Variants in AGMO observed in about 807,000 individuals in gnomAD.
AGMO encodes the protein glyceryl-ether monooxygenase.
AGMO carries 75 observed loss-of-function variants against 60.2 expected under a neutral mutation model. The observed-to-expected ratio is 1.25, with a 90% CI of 1.03 to 1.51. AGMO has a LOEUF of 1.51. Among genes scored for constraint, AGMO ranks in the 40% most tolerant of loss-of-function variants. The probability of loss-of-function intolerance (pLI) is 0.00; values close to 1 mark genes in which losing one functional copy is unlikely to be tolerated. For synonymous variants in AGMO, 261 were observed against 177.1 expected, an observed-to-expected ratio of 1.47 and a Z score of -3.76; for missense variants, 763 against 525.5, an observed-to-expected ratio of 1.45 and a Z score of -4.42.
At chr7:15,511,255 A>C (rs909686878) in intron 3 of AGMO, among the ~76,000 whole-genome samples, 5 of 152,108 alleles carry the variant, frequency 3.3e-5, no homozygotes, top group Non-Finnish European at 5.9e-5. Flanking sequence ...TAGACATGCC[A>C]GTGAACCTAA....
At chr7:15,545,039 T>C in intron 2 of AGMO, 116 bp from the exon 3 acceptor site, 3 of 722,780 alleles carry the variant, frequency 4.2e-6, no homozygotes, top group Non-Finnish European at 5.9e-6. Context: ...TGAAACTCTT[T>C]CTTCTACTTT....
rs1387695234 is a variant in AGMO, at chr7:15,354,367, TAG to T, written c.1263+11145_1263+11146del. Among the ~76,000 whole-genome samples the T allele has an allele frequency of 7.8e-5, 5 of 64,148 alleles. 1 individual carries two copies. The highest frequency in any genetic ancestry group is 2.2e-4 in the African/African-American group (2 of 9,198). 42.1% of individuals were successfully genotyped at this position (64,148 alleles called of 152,430 possible). ...ACGCGTGTATATAGACGTGTGTATA[TAG>T]ACGTGTGTATACACGTGTGTGTATA... On this transcript the variant is annotated intron_variant, in intron 12 of 12. Transcript: ENST00000342526.
intron 12 of AGMO, among the ~76,000 whole-genome samples, chr7:15,225,257 T>C (rs1402828467): frequency 6.6e-6 from 1 of 152,002 alleles, no homozygotes; most frequent in Admixed American, 6.6e-5. Context: ...TTTTATCCGT[T>C]CCCCTGAAGT....
At chr7:15,507,358 A>T (rs1783541429) in intron 3 of AGMO, among the ~76,000 whole-genome samples, 3 of 152,094 alleles carry the variant, frequency 2.0e-5, no homozygotes, top group African/African-American at 7.2e-5. Flanking sequence ...AGAAAACAAC[A>T]CTACGGCTCA....
At chr7:15,531,053 ATATATTCTG>A (rs1364058896) in intron 3 of AGMO, among the ~76,000 whole-genome samples, 2 of 103,804 alleles carry the variant, frequency 1.9e-5, no homozygotes, top group Non-Finnish European at 1.8e-5. Flanking sequence ...TATATTCTAT[ATATATTCTG>A]TATATATTCT....
At chr7:15,378,365 T>C (rs957310430) in intron 10 of AGMO, among the ~76,000 whole-genome samples, 1 of 152,060 alleles carries the variant, frequency 6.6e-6, no homozygotes, top group East Asian at 1.9e-4. Flanking sequence ...AATGTTAAAA[T>C]TAAAATGGTT....
intron 5 of AGMO, among the ~76,000 whole-genome samples, chr7:15,409,503 C>T (rs976658579): frequency 1.3e-4 from 20 of 151,704 alleles, no homozygotes; most frequent in Admixed American, 7.2e-4. Flanking sequence ...GGTTTGATCA[C>T]AGAGTTTGAT....
the AGMO span, among the ~76,000 whole-genome samples, chr7:15,156,573 C>G: frequency 2.0e-5 from 3 of 152,332 alleles, no homozygotes; most frequent in East Asian, 1.9e-4. Context: ...TGTGGAATCT[C>G]CTGCAGCTAG....
intron 3 of AGMO, among the ~76,000 whole-genome samples, chr7:15,471,811 T>C (rs546147510): frequency 1.3e-5 from 2 of 152,022 alleles, no homozygotes; most frequent in South Asian, 2.1e-4. Context: ...ACAGCTCTTA[T>C]GTAAAGCCAA....
intron 5 of AGMO, among the ~76,000 whole-genome samples, chr7:15,415,833 T>A (rs1395689260): frequency 6.6e-6 from 1 of 152,080 alleles, no homozygotes; most frequent in East Asian, 1.9e-4. Context: ...TTTCTTGCTA[T>A]CTTTAGTGAA....
At chr7:15,547,675 A>T in intron 2 of AGMO, among the ~76,000 whole-genome samples, 1 of 152,016 alleles carries the variant, frequency 6.6e-6, no homozygotes, top group Non-Finnish European at 1.5e-5. Context: ...ACGCCCACGG[A>T]GTCTCGCTGA....
chr7:15,425,848 C>T (rs549633829), intron 4 of AGMO, among the ~76,000 whole-genome samples: 2 of 152,112 alleles, frequency 1.3e-5, no homozygotes, highest in Admixed American at 1.3e-4. Context: ...TCAATACCAA[C>T]GTAGAGAACA....
At chr7:15,158,791 A>G in the AGMO span, among the ~76,000 whole-genome samples, 4 of 152,156 alleles carry the variant, frequency 2.6e-5, no homozygotes, top group Non-Finnish European at 5.9e-5. Flanking sequence ...AGGGAGATAA[A>G]TTGTATAATG....
chr7:15,421,902 G>C (rs990221901), intron 4 of AGMO, among the ~76,000 whole-genome samples: 8 of 152,110 alleles, frequency 5.3e-5, no homozygotes, highest in Non-Finnish European at 1.2e-4. Flanking sequence ...TCTATGAGAA[G>C]TCAGAAAGAG....
At chr7:15,287,637 T>C (rs1409536814) in intron 12 of AGMO, among the ~76,000 whole-genome samples, 1 of 152,220 alleles carries the variant, frequency 6.6e-6, no homozygotes, top group Non-Finnish European at 1.5e-5. Context: ...ATCAATTTAA[T>C]CCAAAACACA....
At chr7:15,198,296 G>A (rs1781188512), downstream of AGMO, among the ~76,000 whole-genome samples, 1 of 143,580 alleles carries the variant, frequency 7.0e-6, no homozygotes, top group African/African-American at 2.6e-5. Flanking sequence ...CTTCCAGTAA[G>A]CATACATTAC....
intron 12 of AGMO, among the ~76,000 whole-genome samples, chr7:15,350,424 G>A (rs1251850220): frequency 3.9e-5 from 6 of 152,148 alleles, no homozygotes; most frequent in African/African-American, 1.4e-4. Context: ...GAGAGATGAT[G>A]ATGCCACTTA....
Position 15,201,141 on chromosome 7 carries a change from C to T in AGMO, c.*144G>A. The stretch of plus-strand genomic sequence containing the variant: ...AATAGAAAATAACAAATGTGAAAGG[C>T]AAACAATAGTAAATAAGTAATTTTA... On this transcript the variant is annotated 3_prime_UTR_variant, in exon 13 of 13. Transcript: ENST00000342526. 1 of 509,138 alleles carries T rather than the reference C, an allele frequency of 2.0e-6. No individual in the cohort carries two copies. The highest frequency in any genetic ancestry group is 3.2e-6 in the Non-Finnish European group (1 of 310,160). The allele number at this position is 509,138 out of a possible 1,614,324, so 31.5% of individuals were successfully genotyped here.
intron 12 of AGMO, among the ~76,000 whole-genome samples, chr7:15,309,845 T>C (rs963356360): frequency 2.6e-5 from 4 of 152,166 alleles, no homozygotes; most frequent in African/African-American, 9.7e-5. Context: ...TTCCCCATCT[T>C]TAATAAATAT....
Sources: gnomAD v4.1 joint callset for allele counts (sites outside exome capture counted in the v4.1 genomes callset) on GRCh38, gnomAD v4.1.1 for gene constraint, MANE v1.5 for transcripts, NCBI Gene and HGNC (gene_info 2026-07-23, HGNC 2026-07-21) for gene names.